The following GNB1L variants were observed in gnomAD, a reference collection of about 807,000 sequenced individuals.
GNB1L encodes the protein guanine nucleotide-binding protein subunit beta-like protein 1.
In GNB1L, 20 loss-of-function variants were observed where a neutral mutation model predicts 29.1. That is an observed-to-expected ratio of 0.69 (90% CI 0.48 to 1.00). The LOEUF is 1.00. GNB1L is among the 50% of genes least tolerant of loss of function. The probability of loss-of-function intolerance (pLI) is 0.00; values close to 1 mark genes in which losing one functional copy is unlikely to be tolerated. For missense variants in GNB1L, 421 were observed against 464.9 expected (o/e 0.91, Z 0.87); for synonymous variants, 193 against 206.5 (o/e 0.93, Z 0.56).
intron 3 of GNB1L, 89 bp from the exon 4 acceptor site, chr22:19,820,812 C>T (rs560072011): frequency 4.3e-5 from 63 of 1,455,870 alleles, no homozygotes; most frequent in South Asian, 5.2e-5. Context: ...TTGTGGGATG[C>T]GGGCATCTAG....
intron 2 of GNB1L, among the ~76,000 whole-genome samples, chr22:19,826,900 TG>T (rs1937623696): frequency 1.3e-5 from 2 of 152,244 alleles, no homozygotes; most frequent in South Asian, 4.2e-4. Flanking sequence ...TACGAGACAC[TG>T]GGCAAGACTA....
intron 6 of GNB1L, among the ~76,000 whole-genome samples, chr22:19,806,135 G>T (rs540862973): frequency 6.6e-6 from 1 of 152,220 alleles, no homozygotes; most frequent in African/African-American, 2.4e-5. Flanking sequence ...AAGAACAGTT[G>T]AGAAGGAAGG....
At chr22:19,792,311 G>A (rs371656913) in intron 7 of GNB1L, 4 of 830,154 alleles carry the variant, frequency 4.8e-6, no homozygotes, top group African/African-American at 1.7e-5. Flanking sequence ...AAGGAAAGAA[G>A]GCCAAGGGAA....
At chr22:19,828,807 T>C (rs1022195911) in intron 2 of GNB1L, among the ~76,000 whole-genome samples, 1 of 151,582 alleles carries the variant, frequency 6.6e-6, no homozygotes, top group Non-Finnish European at 1.5e-5. Context: ...CTACTAGTGA[T>C]TGGAGAATAT....
In GNB1L at chr22:19,786,792, C is replaced by A. The variant is rs1937195198; in HGVS notation, c.*1917G>T. 6.6e-6 allele frequency: 1 copy of A among 152,322 alleles called. No individual in the cohort carries two copies. The highest frequency in any genetic ancestry group is 2.4e-5 in the African/African-American group (1 of 41,452). 9.4% of individuals were successfully genotyped at this position (152,322 alleles called of 1,614,324 possible). A position where few individuals can be genotyped will look rare whatever the true frequency, so the allele number is the denominator to read the frequency against. On this transcript the variant is annotated 3_prime_UTR_variant, in exon 8 of 8. Coordinates refer to ENST00000329517, the MANE Select transcript of GNB1L (RefSeq NM_053004.3). ...ACCCAGGGCACAGCTCCCTCAGCAC[C>A]TGCAGTCACTGCAGCCTAAACCCAG...
rs998931188 is a variant in GNB1L, at chr22:19,816,703, C to T, written c.254+3895G>A. Among the ~76,000 whole-genome samples the T allele has an allele frequency of 2.0e-5, 3 of 152,176 alleles. No homozygotes were observed. Among genetic ancestry groups the T allele is most frequent in the African/African-American group, 7.2e-5 (3 of 41,436 alleles). The stretch of plus-strand genomic sequence containing the variant: ...ATACACAACTTACATACACAAACCT[C>T]ACACACACAACACACAGGTTCTTTC... On this transcript the variant is annotated intron_variant, in intron 4 of 7. Transcript: ENST00000329517. This position sits in a 1 kb window ranked among gnomAD's most constrained non-coding sequence, Gnocchi z 4.4.
intron 2 of GNB1L, among the ~76,000 whole-genome samples, chr22:19,827,195 C>A (rs182182186): frequency 6.6e-6 from 1 of 152,098 alleles, no homozygotes; most frequent in Non-Finnish European, 1.5e-5. Context: ...TTTATTCCTA[C>A]GAGATACATC....
At chr22:19,802,238 T>C in intron 6 of GNB1L, 22 bp from the exon 7 acceptor site, 2 of 1,601,986 alleles carry the variant, frequency 1.2e-6, no homozygotes, top group South Asian at 2.2e-5. Context: ...AGCAGAGCAG[T>C]CAGCTCCTGG....
chr22:19,814,704 C>T (rs1327244200), intron 4 of GNB1L, among the ~76,000 whole-genome samples: 1 of 152,114 alleles, frequency 6.6e-6, no homozygotes, highest in African/African-American at 2.4e-5. Context: ...GAGAAAATAT[C>T]AGACAAACCC....
chr22:19,829,146 T>A (rs1937646431), intron 2 of GNB1L, among the ~76,000 whole-genome samples: 1 of 152,212 alleles, frequency 6.6e-6, no homozygotes, highest in South Asian at 2.1e-4. Context: ...CATACTACTC[T>A]TAGTACAAGT....
chr22:19,849,241 C>CT, intron 2 of GNB1L: 1 of 985,330 alleles, frequency 1.0e-6, no homozygotes. Flanking sequence ...GTTGTTTTAC[C>CT]TACAAGGTAT....
At chr22:19,798,973 G>A (rs1010875746) in intron 7 of GNB1L, among the ~76,000 whole-genome samples, 8 of 152,184 alleles carry the variant, frequency 5.3e-5, no homozygotes, top group African/African-American at 1.9e-4. Flanking sequence ...TGCGATGCAC[G>A]GGGAGCTGAC....
Position 19,821,670 on chromosome 22 carries a change from T to G in GNB1L, c.-20-295A>C, listed in dbSNP as rs75145541. Among the ~76,000 whole-genome samples, 670 of 152,310 alleles carry G rather than the reference T, an allele frequency of 4.4e-3. 24 individuals are homozygous for G. In the South Asian group the frequency reaches 0.1, roughly 23 times the overall value. On this transcript the variant is annotated intron_variant, in intron 2 of 7. Coordinates refer to ENST00000329517, the MANE Select transcript of GNB1L (RefSeq NM_053004.3). ...GCCAGCCCTCCTCGCACCGTGCCTG[T>G]TGGCCTCTGCACCTGACTGGTGCAC...
chr22:19,842,988 G>A lies in GNB1L; in HGVS notation c.-21+11455C>T, dbSNP rs1205152470. 4.6e-5 allele frequency among the ~76,000 whole-genome samples: 7 copies of A among 152,338 alleles called. No individual in the cohort carries two copies. In the South Asian group the frequency reaches 8.3e-4, roughly 18 times the overall value. On this transcript the variant is annotated intron_variant, in intron 2 of 7. Coordinates refer to ENST00000329517, the MANE Select transcript of GNB1L (RefSeq NM_053004.3). ...GAAACCATTTCTGGAATGGGGCTCC[G>A]TTTGGCGATTCGGAGTCAAAGGCGC...
rs758819568 is a variant in GNB1L, at chr22:19,802,093, G to A, written c.640C>T (p.Leu214Phe). ...CTGGCCTTCTGGGAGTCAAAGTCAAGGTCCATGACGGGCTCCTCATGGCAG... is the reference window on the plus strand; with the variant it reads ...CTGGCCTTCTGGGAGTCAAAGTCAAAGTCCATGACGGGCTCCTCATGGCAG... ...IACHEEPVMD[L>F]DFDSQKARGI... Residue 214 changes from leucine to phenylalanine, a missense_variant, in exon 7 of 8, where the codon CTT becomes TTT. Coordinates refer to ENST00000329517, the MANE Select transcript of GNB1L (RefSeq NM_053004.3). The A allele has an allele frequency of 6.2e-7, 1 of 1,613,588 alleles. No homozygotes were observed. Among genetic ancestry groups the A allele is most frequent in the South Asian group, 1.1e-5 (1 of 91,074 alleles).
chr22:19,806,343 C>A (rs185737299), intron 6 of GNB1L, among the ~76,000 whole-genome samples: 1 of 152,374 alleles, frequency 6.6e-6, no homozygotes, highest in East Asian at 1.9e-4. Flanking sequence ...TGGCAGACCC[C>A]ACTGTCCCCT....
At chr22:19,841,851 C>T (rs1181932706) in intron 2 of GNB1L, among the ~76,000 whole-genome samples, 1 of 152,160 alleles carries the variant, frequency 6.6e-6, no homozygotes, top group Non-Finnish European at 1.5e-5. Context: ...AGAAAGAGCA[C>T]TGATCTAACC....
chr22:19,806,330 C>T (rs890855113), intron 6 of GNB1L, among the ~76,000 whole-genome samples: 3 of 152,232 alleles, frequency 2.0e-5, no homozygotes, highest in Non-Finnish European at 4.4e-5. Context: ...AGTACTGAGG[C>T]GCTGGCAGAC....
intron 2 of GNB1L, among the ~76,000 whole-genome samples, chr22:19,838,202 G>A (rs1937798042): frequency 6.6e-6 from 1 of 152,166 alleles, no homozygotes; most frequent in Non-Finnish European, 1.5e-5. Context: ...TAAAAGATTT[G>A]GCCAAACACT....
Sources: gnomAD v4.1 joint callset for allele counts (sites outside exome capture counted in the v4.1 genomes callset) on GRCh38, gnomAD v4.1.1 for gene constraint, Gnocchi (gnomAD v3.1) non-coding constraint, MANE v1.5 for transcripts, NCBI Gene and HGNC (gene_info 2026-07-23, HGNC 2026-07-21) for gene names.